TRAPPC8: variants seen among roughly 807,000 people sequenced by gnomAD.
TRAPPC8 encodes the protein general sporulation gene 1 homolog.
Under a neutral mutation model 174.3 loss-of-function variants are expected in TRAPPC8, and 54 were observed. That is an observed-to-expected ratio of 0.31 (90% confidence interval 0.25 to 0.39). The LOEUF is 0.39. Ranked by LOEUF, TRAPPC8 falls within the 10% of genes least tolerant of loss-of-function variation. The probability of loss-of-function intolerance (pLI) is 1.00; values close to 1 mark genes in which losing one functional copy is unlikely to be tolerated. For missense variants in TRAPPC8, 1,531 were observed against 1,699.1 expected, an observed-to-expected ratio of 0.90 and a Z score of 1.74; for synonymous variants, 630 against 579.9, an observed-to-expected ratio of 1.09 and a Z score of -1.24.
chr18:31,897,871 CT>C lies in TRAPPC8; in HGVS notation c.1510del (p.Arg504AspfsTer10), dbSNP rs2036246950. On this transcript the variant is annotated frameshift_variant, in exon 11 of 29. Transcript: ENST00000283351. LOFTEE classifies it high-confidence loss of function. ...DICKNMVLAERCVLLSAELLK... is the reference protein window; with the variant it reads ...DICKNMVLAEXCVLLSAELLK... ...AAGTTCAGCACTAAGCAACACACAT[CT>C]TTCAGCCAACACCATATTCCTATAG... 1 of 1,611,476 alleles carries C rather than the reference CT, an allele frequency of 6.2e-7. No homozygotes were observed.
intron 1 of TRAPPC8, among the ~76,000 whole-genome samples, chr18:31,933,634 G>C (rs934950525): frequency 6.6e-6 from 1 of 152,044 alleles, no homozygotes; most frequent in East Asian, 1.9e-4. Flanking sequence ...ACAAATAAGA[G>C]GCAACTTTGG....
chr18:31,851,870 T>C (rs1010812263), intron 24 of TRAPPC8, among the ~76,000 whole-genome samples: 1 of 152,010 alleles, frequency 6.6e-6, no homozygotes, highest in African/African-American at 2.4e-5. Context: ...CATATAATCT[T>C]GCTTTTTAAA....
chr18:31,915,481 C>A, intron 4 of TRAPPC8, among the ~76,000 whole-genome samples: 1 of 131,794 alleles, frequency 7.6e-6, no homozygotes, highest in Non-Finnish European at 1.6e-5. Flanking sequence ...GGGGGGGGGG[C>A]GCAGGCGCAG....
intron 27 of TRAPPC8, among the ~76,000 whole-genome samples, chr18:31,836,210 A>G (rs2032710121): frequency 6.6e-6 from 1 of 152,192 alleles, no homozygotes; most frequent in South Asian, 2.1e-4. Flanking sequence ...CAAGCATTGG[A>G]AATGTCAGAA....
intron 12 of TRAPPC8, among the ~76,000 whole-genome samples, chr18:31,885,126 G>T (rs1037722770): frequency 6.6e-6 from 1 of 152,042 alleles, no homozygotes; most frequent in Non-Finnish European, 1.5e-5. Flanking sequence ...CAAAGTGCTG[G>T]GATTATAGGC....
intron 5 of TRAPPC8, among the ~76,000 whole-genome samples, chr18:31,911,701 G>A (rs1192934744): frequency 1.4e-5 from 2 of 143,578 alleles, no homozygotes; most frequent in Non-Finnish European, 1.5e-5. Context: ...ATCATGCAGT[G>A]AGCCGAGATC....
chr18:31,927,741 G>C (rs1277163801), intron 2 of TRAPPC8, among the ~76,000 whole-genome samples: 3 of 152,290 alleles, frequency 2.0e-5, no homozygotes, highest in African/African-American at 7.2e-5. Context: ...GGCTTTGGAG[G>C]TTAGCAAAAT....
At chr18:31,885,643 G>A (rs2035670454) in intron 12 of TRAPPC8, among the ~76,000 whole-genome samples, 1 of 152,134 alleles carries the variant, frequency 6.6e-6, no homozygotes, top group South Asian at 2.1e-4. Flanking sequence ...CAGATCACCT[G>A]AGGTCAGGAG....
chr18:31,901,980 T>A (rs966397169), intron 9 of TRAPPC8, among the ~76,000 whole-genome samples: 1 of 152,202 alleles, frequency 6.6e-6, no homozygotes, highest in Non-Finnish European at 1.5e-5. Flanking sequence ...CCCTTCCTCT[T>A]TGTCACTGTA....
chr18:31,843,067 A>G (rs977282749), intron 26 of TRAPPC8, among the ~76,000 whole-genome samples: 2 of 152,206 alleles, frequency 1.3e-5, no homozygotes, highest in Non-Finnish European at 2.9e-5. Context: ...GTAAGATAAA[A>G]AGTAGAAAGA....
intron 9 of TRAPPC8, among the ~76,000 whole-genome samples, chr18:31,906,374 A>G (rs2036660374): frequency 1.3e-5 from 2 of 151,908 alleles, no homozygotes; most frequent in East Asian, 1.9e-4. Context: ...AGCAATAGTA[A>G]TATAATTTTG....
At position 31,908,979 on chromosome 18, in the gene TRAPPC8, T is replaced by C. The variant is rs1248159797; in HGVS notation, c.897A>G (p.Pro299=). The C allele has an allele frequency of 6.2e-7, 1 of 1,611,672 alleles. No individual in the cohort carries two copies. Among genetic ancestry groups the C allele is most frequent in the Non-Finnish European group, 8.5e-7 (1 of 1,178,722 alleles). ...GGTCACTGGATTGCTCCAACTGAAG[T>C]GGGTGAGCTCTAAAGTTATTTGGTA... is the stretch of plus-strand genomic sequence containing the variant. ...DGLPNNFRAH[P]LQLEQSSDPS... Residue 299 remains proline, a synonymous_variant, in exon 7 of 29, where the codon CCA becomes CCG. Coordinates refer to ENST00000283351, the MANE Select transcript of TRAPPC8 (RefSeq NM_014939.5).
chr18:31,846,653 AAAC>A (rs967508206), intron 26 of TRAPPC8, 60 bp downstream of exon 26: 100 of 1,337,432 alleles, frequency 7.5e-5, no homozygotes, highest in Admixed American at 1.1e-4. Flanking sequence ...CCAACCAACC[AAAC>A]AACAACAAAA....
chr18:31,834,658 G>A (rs1213114084), intron 27 of TRAPPC8, among the ~76,000 whole-genome samples: 1 of 152,204 alleles, frequency 6.6e-6, no homozygotes, highest in African/African-American at 2.4e-5. Flanking sequence ...GTTAAGTGCT[G>A]AGAATGGTGA....
At chr18:31,929,248 A>T (rs778370010) in intron 2 of TRAPPC8, among the ~76,000 whole-genome samples, 47 of 151,796 alleles carry the variant, frequency 3.1e-4, no homozygotes, top group Non-Finnish European at 5.9e-4. Flanking sequence ...GTGGAAACAG[A>T]GTCTCAGAAA....
At chr18:31,900,170 G>A (rs2036357094) in intron 10 of TRAPPC8, among the ~76,000 whole-genome samples, 1 of 152,082 alleles carries the variant, frequency 6.6e-6, no homozygotes, top group Non-Finnish European at 1.5e-5. Flanking sequence ...GGAAGAAGAG[G>A]TTACAGTGAG....
intron 26 of TRAPPC8, 93 bp downstream of exon 26, chr18:31,846,623 C>A (rs1020458873): frequency 8.4e-6 from 8 of 956,562 alleles, no homozygotes; most frequent in South Asian, 1.7e-5. Flanking sequence ...ACAAACCAGA[C>A]CCCTTCAAAA....
chr18:31,852,241 T>C (rs879759216), intron 24 of TRAPPC8, among the ~76,000 whole-genome samples: 1 of 152,038 alleles, frequency 6.6e-6, no homozygotes, highest in African/African-American at 2.4e-5. Context: ...CTCAGGAGGC[T>C]GAGGGGGGAG....
chr18:31,900,375 T>C (rs1460661376), intron 10 of TRAPPC8, among the ~76,000 whole-genome samples: 1 of 152,240 alleles, frequency 6.6e-6, no homozygotes, highest in Admixed American at 6.5e-5. Flanking sequence ...TTCTTCTCTT[T>C]AGCCAGTAAT....
Sources: gnomAD v4.1 joint callset for allele counts (sites outside exome capture counted in the v4.1 genomes callset) on GRCh38, gnomAD v4.1.1 for gene constraint, MANE v1.5 for transcripts, NCBI Gene and HGNC (gene_info 2026-07-23, HGNC 2026-07-21) for gene names.